The following HS6ST3 variants were observed in gnomAD, a reference collection of about 807,000 sequenced individuals.
The protein encoded by HS6ST3 is heparan sulfate 6-O-sulfotransferase 3, also known as heparan-sulfate 6-O-sulfotransferase 3.
In HS6ST3, 12 loss-of-function variants were observed where a neutral mutation model predicts 36.7. The observed-to-expected ratio is 0.33, with a 90% CI of 0.21 to 0.53. The LOEUF (loss-of-function observed/expected upper bound fraction) is 0.53. Among genes scored for constraint, HS6ST3 ranks in the 20% least tolerant of loss-of-function variants. The pLI is 0.95. For missense variants in HS6ST3, 584 were observed against 640.9 expected (o/e 0.91, Z 0.96); for synonymous variants, 240 against 257.5 (o/e 0.93, Z 0.65).
At chr13:96,593,127 A>C (rs1326307314) in intron 1 of HS6ST3, among the ~76,000 whole-genome samples, 2 of 103,956 alleles carry the variant, frequency 1.9e-5, no homozygotes, top group Non-Finnish European at 4.2e-5. Context: ...CATTGTTTTT[A>C]TTCTTTTTTC....
At chr13:96,179,193 G>A (rs982511103) in intron 1 of HS6ST3, among the ~76,000 whole-genome samples, 10 of 152,028 alleles carry the variant, frequency 6.6e-5, no homozygotes, top group Non-Finnish European at 1.0e-4. Flanking sequence ...CATGGCCAAG[G>A]TACCTTCAAA....
chr13:96,794,379 G>A (rs988977806), intron 1 of HS6ST3, among the ~76,000 whole-genome samples: 5 of 152,096 alleles, frequency 3.3e-5, no homozygotes, highest in African/African-American at 1.2e-4. Context: ...TAAAAGATAG[G>A]ATCTGACTTG....
At chr13:96,820,525 C>T (rs140296574) in intron 1 of HS6ST3, among the ~76,000 whole-genome samples, 5 of 152,242 alleles carry the variant, frequency 3.3e-5, no homozygotes, top group South Asian at 4.1e-4. Flanking sequence ...CAGCTACTGC[C>T]GGGCCCTTTA....
intron 1 of HS6ST3, among the ~76,000 whole-genome samples, chr13:96,667,737 CT>C (rs998794982): frequency 6.6e-6 from 1 of 152,160 alleles, no homozygotes; most frequent in African/African-American, 2.4e-5. Context: ...ACATTATTGA[CT>C]TTTTCCTTTT....
intron 1 of HS6ST3, among the ~76,000 whole-genome samples, chr13:96,638,161 T>G (rs978287792): frequency 1.3e-5 from 2 of 152,098 alleles, no homozygotes; most frequent in African/African-American, 4.8e-5. Context: ...TTGCTCACAC[T>G]ACTTATCTTA....
intron 1 of HS6ST3, among the ~76,000 whole-genome samples, chr13:96,831,596 T>G (rs1566464159): frequency 6.6e-6 from 1 of 152,054 alleles, no homozygotes; most frequent in Non-Finnish European, 1.5e-5. Context: ...TAAATCCTAG[T>G]CTCCACACCC....
At chr13:96,199,770 T>G (rs2054332047) in intron 1 of HS6ST3, among the ~76,000 whole-genome samples, 1 of 152,214 alleles carries the variant, frequency 6.6e-6, no homozygotes, top group South Asian at 2.1e-4. Flanking sequence ...TTTTACAATT[T>G]TATTCATTTT....
chr13:96,390,470 C>G (rs1363476698), intron 1 of HS6ST3, among the ~76,000 whole-genome samples: 1 of 152,190 alleles, frequency 6.6e-6, no homozygotes, highest in African/African-American at 2.4e-5. Flanking sequence ...GGAAGCAGGA[C>G]CTCACCAGAC....
chr13:96,651,573 G>T (rs959144833), intron 1 of HS6ST3, among the ~76,000 whole-genome samples: 2 of 151,922 alleles, frequency 1.3e-5, no homozygotes, highest in African/African-American at 4.8e-5. Flanking sequence ...TTCCCTATTG[G>T]CTTGCAGAAC....
At chr13:96,332,683 G>T (rs757129537) in intron 1 of HS6ST3, among the ~76,000 whole-genome samples, 1 of 152,210 alleles carries the variant, frequency 6.6e-6, no homozygotes, top group Non-Finnish European at 1.5e-5. Context: ...TGACCGAAGG[G>T]ATTGCAACGA....
intron 1 of HS6ST3, among the ~76,000 whole-genome samples, chr13:96,631,708 C>T (rs2056532561): frequency 6.6e-6 from 1 of 152,184 alleles, no homozygotes; most frequent in African/African-American, 2.4e-5. Flanking sequence ...CTTAACAACT[C>T]AAGGTTTTCT....
At chr13:96,589,150 G>C (rs1194994978) in intron 1 of HS6ST3, among the ~76,000 whole-genome samples, 16 of 150,928 alleles carry the variant, frequency 1.1e-4, no homozygotes, top group Non-Finnish European at 3.0e-5. Context: ...TTTGATAAAA[G>C]TCAGCAGTAA....
At chr13:96,493,654 T>G (rs2055957947) in intron 1 of HS6ST3, among the ~76,000 whole-genome samples, 1 of 152,190 alleles carries the variant, frequency 6.6e-6, no homozygotes, top group South Asian at 2.1e-4. Flanking sequence ...CGACATATTC[T>G]TACAATAGCA....
intron 1 of HS6ST3, among the ~76,000 whole-genome samples, chr13:96,830,837 G>C (rs931358939): frequency 6.6e-6 from 1 of 152,188 alleles, no homozygotes; most frequent in Non-Finnish European, 1.5e-5. Context: ...TATTTCTGGA[G>C]CTGGCCCCCC....
At chr13:96,341,324 A>G (rs1257674617) in intron 1 of HS6ST3, among the ~76,000 whole-genome samples, 1 of 150,158 alleles carries the variant, frequency 6.7e-6, no homozygotes, top group Non-Finnish European at 1.5e-5. Context: ...TTGGAGAAGG[A>G]CTAATTTTTC....
At chr13:96,424,122 A>T (rs2055574848) in intron 1 of HS6ST3, among the ~76,000 whole-genome samples, 1 of 152,212 alleles carries the variant, frequency 6.6e-6, no homozygotes, top group Non-Finnish European at 1.5e-5. Context: ...AATTACAATG[A>T]CCATATTTAT....
At chr13:96,185,152 T>C (rs910164724) in intron 1 of HS6ST3, among the ~76,000 whole-genome samples, 8 of 152,222 alleles carry the variant, frequency 5.3e-5, no homozygotes, top group Admixed American at 6.5e-5. Context: ...AATTGTGCTG[T>C]AAAAGAAGCA....
chr13:96,152,291 A>G (rs1011409613), intron 1 of HS6ST3, among the ~76,000 whole-genome samples: 2 of 147,534 alleles, frequency 1.4e-5, no homozygotes, highest in African/African-American at 5.0e-5. Context: ...GAGATACTAA[A>G]GTATATTTCC....
chr13:96,624,689 CAT>C (rs904418568), intron 1 of HS6ST3, among the ~76,000 whole-genome samples: 12 of 152,156 alleles, frequency 7.9e-5, no homozygotes, highest in South Asian at 6.2e-4. Context: ...ATAAGTGAGA[CAT>C]GTGGTATTTG....
Sources: allele counts gnomAD v4.1 joint callset (sites outside exome capture counted in the v4.1 genomes callset), GRCh38; gene constraint gnomAD v4.1.1; transcripts MANE v1.5; gene names NCBI Gene and HGNC (gene_info 2026-07-23, HGNC 2026-07-21).